The following XIRP2 variants were observed in gnomAD, a reference collection of about 807,000 sequenced individuals.
The protein encoded by XIRP2 is xin actin binding repeat containing 2.
Under a neutral mutation model 277.0 loss-of-function variants are expected in XIRP2, and 236 were observed. The ratio of observed to expected loss-of-function variants is 0.85; its 90% confidence interval spans 0.77 to 0.95. The LOEUF (loss-of-function observed/expected upper bound fraction) is 0.95, where lower values mean the gene tolerates loss of function less well. XIRP2 is among the 40% of genes least tolerant of loss of function. XIRP2 has a pLI of 0.00. For missense variants in XIRP2, 4,640 were observed against 4,157.5 expected (o/e 1.12, Z -3.19); for synonymous variants, 1,490 against 1,416.5 (o/e 1.05, Z -1.17).
chr2:166,947,508 C>A (rs1448623067), intron 2 of XIRP2, among the ~76,000 whole-genome samples: 2 of 152,110 alleles, frequency 1.3e-5, no homozygotes, highest in African/African-American at 2.4e-5. Flanking sequence ...AGACATTTTT[C>A]TTTTAATATT....
chr2:167,210,146 C>T (rs1014131323), intron 3 of XIRP2, among the ~76,000 whole-genome samples: 14 of 152,034 alleles, frequency 9.2e-5, no homozygotes, highest in African/African-American at 3.4e-4. Flanking sequence ...AAAAAAAAAT[C>T]CACAGCCTAT....
At chr2:166,929,922 C>G (rs565774350) in intron 2 of XIRP2, among the ~76,000 whole-genome samples, 1 of 152,220 alleles carries the variant, frequency 6.6e-6, no homozygotes, top group African/African-American at 2.4e-5. Flanking sequence ...GATAGCTCAT[C>G]TTCACCTAAG....
Position 167,245,510 on chromosome 2 carries a change from C to A in XIRP2, c.4118C>A (p.Ser1373Tyr). 1 of 1,613,516 alleles carries A rather than the reference C, an allele frequency of 6.2e-7. No homozygotes were observed. ...NKSETVYVIK[S>Y]VTQEDIQKGD... ...TCAGAAACTGTGTATGTTATTAAAT[C>A]TGTCACACAAGAAGACATTCAGAAG... Residue 1373 changes from serine (S) to tyrosine (Y), a missense_variant, in exon 9 of 11, where the codon TCT (serine) becomes TAT (tyrosine). Coordinates refer to ENST00000409195, the MANE Select transcript of XIRP2 (RefSeq NM_152381.6).
At chr2:167,055,821 A>G (rs1689023632) in intron 2 of XIRP2, among the ~76,000 whole-genome samples, 1 of 152,134 alleles carries the variant, frequency 6.6e-6, no homozygotes, top group Admixed American at 6.5e-5. Context: ...TTTGCTCTCC[A>G]TTTATGCATT....
Position 167,247,884 on chromosome 2 carries a change from CCAGCATCCAGT to C in XIRP2, c.6499_6509del (p.Pro2167AlafsTer26). 6.2e-7 allele frequency: 1 copy of C among 1,613,482 alleles called. No individual in the cohort carries two copies. The highest frequency in any genetic ancestry group is 1.1e-5 in the South Asian group (1 of 90,998). ...CACAAAGCTCCAAGCCCAGTCCCAC[CCAGCATCCAGT>C]CAGCATGCCAGTTGGAGGAACTTAC... On this transcript the variant is annotated frameshift_variant, in exon 9 of 11. Coordinates refer to ENST00000409195, the MANE Select transcript of XIRP2 (RefSeq NM_152381.6). LOFTEE classifies it high-confidence loss of function.
At chr2:167,163,236 C>T (rs1385638626) in intron 3 of XIRP2, among the ~76,000 whole-genome samples, 1 of 152,148 alleles carries the variant, frequency 6.6e-6, no homozygotes, top group Admixed American at 6.5e-5. Flanking sequence ...TTTTAAGAAA[C>T]CATCAAACTG....
chr2:167,218,619 T>C (rs1694328334), intron 5 of XIRP2, among the ~76,000 whole-genome samples: 1 of 152,212 alleles, frequency 6.6e-6, no homozygotes, highest in Non-Finnish European at 1.5e-5. Context: ...GCAATGTTTA[T>C]ACTGAGCCTC....
At chr2:166,998,494 G>C (rs1687282731) in intron 2 of XIRP2, among the ~76,000 whole-genome samples, 1 of 151,890 alleles carries the variant, frequency 6.6e-6, no homozygotes, top group Admixed American at 6.6e-5. Flanking sequence ...AAAATTAGCT[G>C]GGGGTGGTGG....
intron 2 of XIRP2, among the ~76,000 whole-genome samples, chr2:166,929,443 C>A (rs1685270837): frequency 6.6e-6 from 1 of 152,098 alleles, no homozygotes; most frequent in South Asian, 2.1e-4. Flanking sequence ...CTGAAGAACT[C>A]TAGTAGAAAG....
chr2:166,895,420 T>A (rs1684216775), intron 1 of XIRP2, among the ~76,000 whole-genome samples: 1 of 152,194 alleles, frequency 6.6e-6, no homozygotes, highest in Non-Finnish European at 1.5e-5. Context: ...GATCTAAAGT[T>A]GTTTTTGAGG....
intron 3 of XIRP2, among the ~76,000 whole-genome samples, chr2:167,158,381 A>G (rs559193364): frequency 4.9e-3 from 746 of 152,320 alleles, no homozygotes; most frequent in Non-Finnish European, 7.4e-3. Flanking sequence ...TTTTTATGCA[A>G]CATTTTGAAA....
rs575905650 is a variant in XIRP2, at chr2:167,218,234, C to T, written c.792C>T (p.Asp264=). ...GLAKVKKQFE[D]EITSSRNTFA... ...CCAAGGTGAAGAAACAATTTGAGGA[C>T]GAAATTACTTCTTCCCGTAATACCT... The change falls in exon 5 of 11, where the codon GAC becomes GAT. Residue 264 remains aspartate (D), a synonymous_variant. Transcript: ENST00000409195. 6.6e-5 allele frequency: 106 copies of T among 1,607,872 alleles called. No homozygotes were observed. Among genetic ancestry groups the T allele is most frequent in the Middle Eastern group, 3.3e-4 (2 of 6,024 alleles).
chr2:167,248,525 A>G lies in XIRP2; in HGVS notation c.7133A>G (p.His2378Arg). The G allele has an allele frequency of 1.9e-6, 3 of 1,613,658 alleles. No homozygotes were observed. The highest frequency in any genetic ancestry group is 2.5e-6 in the Non-Finnish European group (3 of 1,179,786). Residue 2378 changes from histidine to arginine, a missense_variant, in exon 9 of 11, where the codon CAT (histidine) becomes CGT (arginine). Transcript: ENST00000409195. ...CCAACTCCATCTCAAAAGCCAGCAC[A>G]TCTCCTTTCCTCCTCTGCTCCGGAA... The part of the protein sequence containing the change: ...PPPTPSQKPA[H>R]LLSSSAPEKH...
chr2:167,089,026 C>T (rs921848435), intron 2 of XIRP2, among the ~76,000 whole-genome samples: 1 of 152,108 alleles, frequency 6.6e-6, no homozygotes, highest in African/African-American at 2.4e-5. Context: ...AATAAATGGA[C>T]AAATTAATGA....
At chr2:167,108,397 T>C (rs1409281266) in intron 2 of XIRP2, among the ~76,000 whole-genome samples, 4 of 152,046 alleles carry the variant, frequency 2.6e-5, no homozygotes, top group African/African-American at 9.6e-5. Context: ...GCTCTTGTTT[T>C]TCCTAGGATC....
Position 167,245,732 on chromosome 2 carries a change from G to A in XIRP2, c.4340G>A (p.Gly1447Asp), listed in dbSNP as rs983680760. 1 of 1,613,482 alleles carries A rather than the reference G, an allele frequency of 6.2e-7. No homozygotes were observed. Among genetic ancestry groups the A allele is most frequent in the African/African-American group, 1.3e-5 (1 of 74,866 alleles). Reference protein sequence around the residue: ...RTVSVNEIQKGNVKTSTWLFE... With the variant: ...RTVSVNEIQKDNVKTSTWLFE... ...GTAAGTGTCAATGAAATACAAAAGGGCAATGTTAAAACATCTACTTGGCTA... is the reference window on the plus strand; with the variant it reads ...GTAAGTGTCAATGAAATACAAAAGGACAATGTTAAAACATCTACTTGGCTA... The change falls in exon 9 of 11, where the codon GGC becomes GAC. Residue 1447 changes from glycine to aspartate, a missense_variant. Transcript: ENST00000409195.
intron 3 of XIRP2, among the ~76,000 whole-genome samples, chr2:167,169,961 G>T (rs546828452): frequency 6.6e-6 from 1 of 152,242 alleles, no homozygotes; most frequent in African/African-American, 2.4e-5. Context: ...CTAAGTGGAA[G>T]AGGTGAGAGT....
Position 167,243,914 on chromosome 2 carries a change from A to G in XIRP2, c.2522A>G (p.Lys841Arg). The G allele has an allele frequency of 6.2e-7, 1 of 1,614,050 alleles. No individual in the cohort carries two copies. Among genetic ancestry groups the G allele is most frequent in the East Asian group, 2.2e-5 (1 of 44,842 alleles). ...ATAATAGGTACAGATGTCTCCAGAA[A>G]GTGTTGGATGTTTGAAACCCAGCCA... is the stretch of plus-strand genomic sequence containing the variant. ...EKIIGTDVSR[K>R]CWMFETQPLD... The change falls in exon 9 of 11, where the codon AAG becomes AGG. Residue 841 changes from lysine to arginine, a missense_variant. Lys to Arg is a conservative substitution (Grantham distance 26). Coordinates refer to ENST00000409195, the MANE Select transcript of XIRP2 (RefSeq NM_152381.6).
intron 2 of XIRP2, among the ~76,000 whole-genome samples, chr2:166,979,393 A>G (rs1295078049): frequency 1.9e-5 from 2 of 107,706 alleles, no homozygotes; most frequent in African/African-American, 7.3e-5. Flanking sequence ...TTTTTGCTTC[A>G]GTAGCTAAGG....
Sources: allele counts gnomAD v4.1 joint callset (sites outside exome capture counted in the v4.1 genomes callset), GRCh38; gene constraint gnomAD v4.1.1; transcripts MANE v1.5; gene names NCBI Gene and HGNC (gene_info 2026-07-23, HGNC 2026-07-21).